Variants in CFAP47 observed in about 807,000 individuals in gnomAD.
CFAP47 encodes cilia and flagella associated protein 47.
CFAP47 carries 29 observed loss-of-function variants against 148.1 expected under a neutral mutation model. The ratio of observed to expected loss-of-function variants is 0.20; its 90% CI spans 0.15 to 0.27. The LOEUF (loss-of-function observed/expected upper bound fraction) is 0.27, where lower values mean the gene tolerates loss of function less well. Ranked by LOEUF, CFAP47 falls within the 10% of genes least tolerant of loss-of-function variation. The pLI, the probability that CFAP47 is intolerant of heterozygous loss-of-function variation, is 1.00. For synonymous variants in CFAP47, 664 were observed against 577.3 expected (o/e 1.15, Z -2.15); for missense variants, 1,872 against 1,697.5 (o/e 1.10, Z -1.81).
chrX:36,191,148 T>G (rs1426835509), intron 42 of CFAP47, among the ~76,000 whole-genome samples: 2 of 111,875 alleles, frequency 1.8e-5, no homozygotes, highest in Admixed American at 9.5e-5. Flanking sequence ...TGTTAAATTC[T>G]TTTAAAGGAG....
intron 21 of CFAP47, among the ~76,000 whole-genome samples, chrX:36,012,508 C>T (rs1367215176): frequency 8.9e-6 from 1 of 111,846 alleles, no homozygotes; most frequent in Non-Finnish European, 1.9e-5. Flanking sequence ...AGAGCATGCC[C>T]TTTGCAGGGA....
At chrX:36,333,677 A>G (rs1276187044) in intron 57 of CFAP47, among the ~76,000 whole-genome samples, 2 of 111,156 alleles carry the variant, frequency 1.8e-5, no homozygotes, top group African/African-American at 6.5e-5. Context: ...AGCCATGCGT[A>G]TGTTCAGATT....
intron 32 of CFAP47, among the ~76,000 whole-genome samples, chrX:36,102,240 G>T (rs760839947): frequency 1.8e-5 from 2 of 111,357 alleles, no homozygotes; most frequent in Non-Finnish European, 3.8e-5. Flanking sequence ...TAGCTGGCAC[G>T]GCTCACAGCA....
At chrX:36,368,824 A>G (rs1321913027) in intron 62 of CFAP47, among the ~76,000 whole-genome samples, 2 of 111,729 alleles carry the variant, frequency 1.8e-5, no homozygotes, top group African/African-American at 6.5e-5. Flanking sequence ...ACTTTTAAAT[A>G]TTCAATAAAT....
intron 1 of CFAP47, among the ~76,000 whole-genome samples, chrX:35,924,310 T>C (rs766308700): frequency 2.8e-5 from 3 of 106,261 alleles, no homozygotes; most frequent in Admixed American, 9.8e-5. Context: ...CATATGTATA[T>C]ATGTACATGT....
intron 63 of CFAP47, among the ~76,000 whole-genome samples, chrX:36,381,826 AT>A (rs1556024201): frequency 1.8e-5 from 2 of 110,138 alleles, no homozygotes; most frequent in Non-Finnish European, 3.8e-5. Flanking sequence ...AATTATTCAT[AT>A]ATATTACACA....
chrX:36,161,105 C>G (rs771742285), intron 39 of CFAP47, among the ~76,000 whole-genome samples: 14 of 110,856 alleles, frequency 1.3e-4, no homozygotes, highest in Non-Finnish European at 2.5e-4. Flanking sequence ...CTTGGTCTCC[C>G]AAAGTTCTGG....
chrX:36,076,200 T>A (rs1937851796), intron 29 of CFAP47, among the ~76,000 whole-genome samples: 1 of 108,547 alleles, frequency 9.2e-6, no homozygotes, highest in Non-Finnish European at 1.9e-5. Flanking sequence ...TTATTATACT[T>A]TAAGTTTTAG....
intron 37 of CFAP47, among the ~76,000 whole-genome samples, chrX:36,151,253 A>T (rs1939303453): frequency 8.9e-6 from 1 of 112,287 alleles, no homozygotes; most frequent in Non-Finnish European, 1.9e-5. Flanking sequence ...CAGGATAACA[A>T]AAATCACCTA....
chrX:36,203,951 GTCTTTAGTGAAATAGGAGGCC>G (rs1940009935), intron 44 of CFAP47, among the ~76,000 whole-genome samples: 1 of 111,826 alleles, frequency 8.9e-6, no homozygotes. Flanking sequence ...TCACAAAATT[GTCTTTAGTGAAATAGGAGGCC>G]TCAGTCTGTG....
intron 55 of CFAP47, 53 bp downstream of exon 55, chrX:36,306,929 A>C (rs1047726799): frequency 4.1e-6 from 2 of 486,166 alleles, no homozygotes; most frequent in African/African-American, 5.0e-5. Flanking sequence ...TTAAATCAAT[A>C]TATAAATAAA....
chrX:36,288,182 G>A lies in CFAP47; in HGVS notation c.7686+2456G>A, dbSNP rs1001864070. 5.4e-5 allele frequency among the ~76,000 whole-genome samples: 6 copies of A among 111,924 alleles called. No individual in the cohort carries two copies. In the South Asian group the frequency reaches 1.8e-3, roughly 34 times the overall value. On this transcript the variant is annotated intron_variant, in intron 51 of 63. Transcript: ENST00000378653. ...AGGGTTCATGTAAGAAATACTTACA[G>A]TCTTGAAACACATATATTTGGTTAT...
Position 35,941,417 on chromosome X carries a change from A to G in CFAP47, c.517+19A>G. 3 of 836,373 alleles carry G rather than the reference A, an allele frequency of 3.6e-6. No individual in the cohort carries two copies. Among genetic ancestry groups the G allele is most frequent in the Non-Finnish European group, 3.4e-6 (2 of 593,700 alleles). The allele number at this position is 836,373 out of a possible 1,213,427, so 68.9% of individuals were successfully genotyped here. On this transcript the variant is annotated intron_variant, in intron 3 of 63. Coordinates refer to ENST00000378653, the MANE Select transcript of CFAP47 (RefSeq NM_001304548.2). Reference sequence around the variant, plus strand: ...GCTCCAGGTAAATCCTTCCTGTCATATTTACTTACACTTTTAGAAGAGTTG... The same window carrying G: ...GCTCCAGGTAAATCCTTCCTGTCATGTTTACTTACACTTTTAGAAGAGTTG...
intron 15 of CFAP47, among the ~76,000 whole-genome samples, chrX:35,982,972 A>G (rs941159057): frequency 8.9e-6 from 1 of 112,052 alleles, no homozygotes. Context: ...GAATTTTAAA[A>G]TAGTATTCTA....
chrX:36,282,824 A>G (rs1556003869), intron 50 of CFAP47, among the ~76,000 whole-genome samples: 1 of 112,143 alleles, frequency 8.9e-6, no homozygotes, highest in Admixed American at 9.4e-5. Context: ...GAGAACATTT[A>G]TAGTATATTT....
Position 36,229,901 on chromosome X carries a change from A to G in CFAP47, c.7014+1077A>G, listed in dbSNP as rs868968965. Among the ~76,000 whole-genome samples, 156 of 100,112 alleles carry G rather than the reference A, an allele frequency of 1.6e-3. 2 individuals are homozygous for G. The highest frequency in any genetic ancestry group is 5.3e-3 in the African/African-American group (145 of 27,375). The allele number at this position is 100,112 out of a possible 115,157, so 86.9% of individuals were successfully genotyped here. A position where few individuals can be genotyped will look rare whatever the true frequency, so the allele number is the denominator to read the frequency against. ...TTGCGATAGTTTACTGAGAATGATG[A>G]TTTCCAATTTCATCCATGTCCCTAC... On this transcript the variant is annotated intron_variant, in intron 46 of 63. Coordinates refer to ENST00000378653, the MANE Select transcript of CFAP47 (RefSeq NM_001304548.2).
At chrX:36,363,110 T>C (rs1556019586) in intron 61 of CFAP47, among the ~76,000 whole-genome samples, 1 of 111,915 alleles carries the variant, frequency 8.9e-6, no homozygotes, top group African/African-American at 3.2e-5. Context: ...AATTTTTTGA[T>C]GATTGATAAA....
chrX:36,272,237 A>C (rs899941348), intron 49 of CFAP47, among the ~76,000 whole-genome samples: 8 of 111,966 alleles, frequency 7.1e-5, no homozygotes, highest in Admixed American at 3.8e-4. Flanking sequence ...TTACTGGCAA[A>C]ATCTTGAATA....
At chrX:36,037,702 A>G (rs955649189) in intron 24 of CFAP47, among the ~76,000 whole-genome samples, 3 of 111,007 alleles carry the variant, frequency 2.7e-5, no homozygotes, top group African/African-American at 9.8e-5. Context: ...GAGGTCTGAA[A>G]TTCTGAAATA....
Sources: allele counts gnomAD v4.1 joint callset (sites outside exome capture counted in the v4.1 genomes callset), GRCh38; gene constraint gnomAD v4.1.1; transcripts MANE v1.5; gene names NCBI Gene and HGNC (gene_info 2026-07-23, HGNC 2026-07-21).